Variants in OR3A2 observed in about 807,000 individuals in gnomAD.
OR3A2 encodes the protein olfactory receptor family 3 subfamily A member 2.
For synonymous variants in OR3A2, 126 were observed against 159.3 expected, an observed-to-expected ratio of 0.79 and a Z score of 1.57; for missense variants, 318 against 392.8, an observed-to-expected ratio of 0.81 and a Z score of 1.61.
At chr17:3,382,154 T>C (rs1024590184) in intron 2 of OR3A2, among the ~76,000 whole-genome samples, 7 of 151,876 alleles carry the variant, frequency 4.6e-5, no homozygotes, top group Non-Finnish European at 8.8e-5. Flanking sequence ...GGGAGGAGCA[T>C]ACAGGGAAGG....
chr17:3,291,955 C>T (rs1325546011), intron 3 of OR3A2: 17 of 1,614,164 alleles, frequency 1.1e-5, no homozygotes, highest in Non-Finnish European at 1.4e-5. Context: ...GGGGTACCTG[C>T]CATTATAAAA....
At chr17:3,343,241 G>A (rs997987472) in intron 2 of OR3A2, among the ~76,000 whole-genome samples, 8 of 152,096 alleles carry the variant, frequency 5.3e-5, no homozygotes, top group African/African-American at 1.2e-4. Flanking sequence ...GCCCTGCTTC[G>A]GCTCACCCTC....
At chr17:3,386,039 T>G in intron 1 of OR3A2, 86 bp downstream of exon 1, 1 of 398,672 alleles carries the variant, frequency 2.5e-6, no homozygotes. Flanking sequence ...ATCTATCTGC[T>G]CAACGCCCTG....
At chr17:3,305,249 GT>G (rs1185475972) in intron 3 of OR3A2, among the ~76,000 whole-genome samples, 2 of 149,462 alleles carry the variant, frequency 1.3e-5, no homozygotes, top group Admixed American at 6.6e-5. Flanking sequence ...GTATGTCTTC[GT>G]TTTTTTCCTT....
intron 3 of OR3A2, among the ~76,000 whole-genome samples, chr17:3,324,855 A>T (rs1430232010): frequency 1.3e-5 from 2 of 151,868 alleles, no homozygotes; most frequent in African/African-American, 2.4e-5. Flanking sequence ...TCAAGCTGAG[A>T]TTTTCTTCTT....
At chr17:3,282,106 A>G (rs17175017) in intron 1 of OR3A2, among the ~76,000 whole-genome samples, 27,512 of 152,038 alleles carry the variant, frequency 0.18, 3,109 homozygotes, top group African/African-American at 0.3. Flanking sequence ...AGACTCCTCC[A>G]CCTACGCTTA....
chr17:3,326,408 T>A (rs2049172493), intron 3 of OR3A2, among the ~76,000 whole-genome samples: 1 of 152,058 alleles, frequency 6.6e-6, no homozygotes, highest in Non-Finnish European at 1.5e-5. Context: ...CAAAGATTGT[T>A]GCGGGAAGTC....
upstream of OR3A2, among the ~76,000 whole-genome samples, chr17:3,288,074 T>C (rs1294004433): frequency 6.6e-6 from 1 of 150,872 alleles, no homozygotes; most frequent in Non-Finnish European, 1.5e-5. Context: ...ACAAAGAAGA[T>C]AAAGGTCATA....
intron 2 of OR3A2, among the ~76,000 whole-genome samples, chr17:3,342,837 G>T (rs2049330912): frequency 6.6e-6 from 1 of 152,232 alleles, no homozygotes; most frequent in Non-Finnish European, 1.5e-5. Flanking sequence ...GGACGTTTAA[G>T]TCTGCAGAAG....
chr17:3,287,936 A>C (rs804239), upstream of OR3A2, among the ~76,000 whole-genome samples: 74,183 of 151,196 alleles, frequency 0.49, 19,786 homozygotes, highest in East Asian at 0.93. Flanking sequence ...TAGAGCATAC[A>C]TAACAATAAG....
intron 2 of OR3A2, 40 bp from the exon 2 acceptor site, chr17:3,336,166 C>G (rs982339127): frequency 6.6e-6 from 1 of 152,200 alleles, no homozygotes; most frequent in Non-Finnish European, 1.5e-5. Context: ...TGCCATCAGC[C>G]AAGCATTCAC....
At chr17:3,283,744 T>C (rs1266420038) in intron 1 of OR3A2, among the ~76,000 whole-genome samples, 1 of 152,032 alleles carries the variant, frequency 6.6e-6, no homozygotes, top group Non-Finnish European at 1.5e-5. Context: ...CATCTTCTTT[T>C]TACTTAAACC....
At chr17:3,297,636 C>G (rs1256896562) in intron 3 of OR3A2, among the ~76,000 whole-genome samples, 1 of 151,732 alleles carries the variant, frequency 6.6e-6, no homozygotes, top group Non-Finnish European at 1.5e-5. Flanking sequence ...CACACCTCCT[C>G]TACTCCATTG....
At chr17:3,366,369 T>C (rs2150661867) in intron 2 of OR3A2, among the ~76,000 whole-genome samples, 1 of 152,274 alleles carries the variant, frequency 6.6e-6, no homozygotes, top group East Asian at 1.9e-4. Flanking sequence ...TGCAAAAATG[T>C]TGGGGAAACA....
intron 2 of OR3A2, among the ~76,000 whole-genome samples, chr17:3,378,365 GC>G (rs1257891013): frequency 6.6e-6 from 1 of 152,364 alleles, no homozygotes; most frequent in South Asian, 2.1e-4. Flanking sequence ...TTGCAACAAT[GC>G]CCAGGCTCGG....
chr17:3,360,900 G>A (rs1015170003), intron 2 of OR3A2, among the ~76,000 whole-genome samples: 4 of 151,588 alleles, frequency 2.6e-5, no homozygotes, highest in Non-Finnish European at 5.9e-5. Flanking sequence ...TGGCGATCTG[G>A]GCTCCTTTTT....
At chr17:3,305,873 CTTCT>C (rs923022258) in intron 3 of OR3A2, among the ~76,000 whole-genome samples, 62 of 152,292 alleles carry the variant, frequency 4.1e-4, no homozygotes, top group African/African-American at 1.4e-3. Context: ...TCGTGCCTTC[CTTCT>C]TTATGAGCTG....
intron 2 of OR3A2, among the ~76,000 whole-genome samples, chr17:3,351,068 G>A (rs992063787): frequency 4.0e-5 from 6 of 151,510 alleles, no homozygotes; most frequent in Non-Finnish European, 7.4e-5. Context: ...CAAACCCACA[G>A]CCAATATCAT....
intron 2 of OR3A2, among the ~76,000 whole-genome samples, chr17:3,371,766 G>A (rs2049626267): frequency 1.4e-5 from 2 of 143,272 alleles, no homozygotes; most frequent in Non-Finnish European, 1.5e-5. Flanking sequence ...TCCCAGTAGG[G>A]GCGGCCGGGC....
Sources: allele counts gnomAD v4.1 joint callset (sites outside exome capture counted in the v4.1 genomes callset), GRCh38; gene constraint gnomAD v4.1.1; transcripts MANE v1.5; gene names NCBI Gene and HGNC (gene_info 2026-07-23, HGNC 2026-07-21).